Variants in SUCLG2 observed in about 807,000 individuals in gnomAD.
SUCLG2 encodes the protein succinate--CoA ligase [GDP-forming] subunit beta, mitochondrial.
SUCLG2 carries 42 observed loss-of-function variants against 47.9 expected under a neutral mutation model. The ratio of observed to expected loss-of-function variants is 0.88; its 90% CI spans 0.69 to 1.14. SUCLG2 has a LOEUF of 1.14. SUCLG2 is among the 50% of genes most tolerant of loss of function. The probability of loss-of-function intolerance (pLI) is 0.00; values close to 1 mark genes in which losing one functional copy is unlikely to be tolerated. For missense variants in SUCLG2, 571 were observed against 525.9 expected (o/e 1.09, Z -0.84); for synonymous variants, 195 against 197.3 (o/e 0.99, Z 0.10).
chr3:67,590,652 C>G (rs952348080), intron 2 of SUCLG2, among the ~76,000 whole-genome samples: 13 of 152,178 alleles, frequency 8.5e-5, no homozygotes, highest in African/African-American at 2.2e-4. Flanking sequence ...TCCCAGAAGC[C>G]GAGCAGATGC....
At chr3:67,393,076 G>A (rs1265931993) in intron 10 of SUCLG2, among the ~76,000 whole-genome samples, 3 of 152,226 alleles carry the variant, frequency 2.0e-5, no homozygotes, top group Non-Finnish European at 4.4e-5. Flanking sequence ...CCGGTCTACA[G>A]CTCCCAGCGT....
At chr3:67,632,159 A>G (rs998469906) in intron 1 of SUCLG2, among the ~76,000 whole-genome samples, 1 of 152,148 alleles carries the variant, frequency 6.6e-6, no homozygotes, top group African/African-American at 2.4e-5. Flanking sequence ...AAGCCAGTTC[A>G]AGCACAAATT....
intron 1 of SUCLG2, among the ~76,000 whole-genome samples, chr3:67,650,537 A>T (rs1426220550): frequency 1.3e-5 from 2 of 152,182 alleles, no homozygotes; most frequent in Non-Finnish European, 2.9e-5. Flanking sequence ...GGGGCAGATC[A>T]CTTGAGGTCA....
At chr3:67,549,846 A>C (rs1706965850) in intron 2 of SUCLG2, among the ~76,000 whole-genome samples, 1 of 152,160 alleles carries the variant, frequency 6.6e-6, no homozygotes, top group African/African-American at 2.4e-5. Context: ...GTAATGGATA[A>C]ATTTTTTCTT....
At chr3:67,477,489 G>A (rs182507272) in intron 9 of SUCLG2, among the ~76,000 whole-genome samples, 2 of 152,338 alleles carry the variant, frequency 1.3e-5, no homozygotes, top group East Asian at 3.9e-4. Context: ...GAGGTCAGGA[G>A]TTCAAGGCCA....
chr3:67,415,365 G>A (rs1269410285), intron 9 of SUCLG2, among the ~76,000 whole-genome samples: 1 of 152,160 alleles, frequency 6.6e-6, no homozygotes. Flanking sequence ...TGCTAAGGCT[G>A]AAGTAGCTAA....
At chr3:67,494,979 C>G (rs1014095040) in intron 9 of SUCLG2, among the ~76,000 whole-genome samples, 1 of 152,168 alleles carries the variant, frequency 6.6e-6, no homozygotes, top group Non-Finnish European at 1.5e-5. Flanking sequence ...AAACCAGGTA[C>G]AGTTATTTGC....
chr3:67,578,240 A>G (rs1707792468), intron 2 of SUCLG2, among the ~76,000 whole-genome samples: 1 of 146,628 alleles, frequency 6.8e-6, no homozygotes, highest in Non-Finnish European at 1.5e-5. Flanking sequence ...AAAAAATTTT[A>G]CATATATCAT....
chr3:67,389,503 T>C (rs1376559325), intron 10 of SUCLG2, among the ~76,000 whole-genome samples: 1 of 152,222 alleles, frequency 6.6e-6, no homozygotes, highest in East Asian at 1.9e-4. Flanking sequence ...AAATATCTTG[T>C]CACAAATAGT....
chr3:67,504,758 C>G (rs1208549210), intron 7 of SUCLG2, among the ~76,000 whole-genome samples: 1 of 152,106 alleles, frequency 6.6e-6, no homozygotes, highest in Non-Finnish European at 1.5e-5. Flanking sequence ...AAAAAGGAGT[C>G]TGTGTACAGA....
intron 7 of SUCLG2, among the ~76,000 whole-genome samples, chr3:67,500,582 G>A (rs1705470706): frequency 6.6e-6 from 1 of 152,150 alleles, no homozygotes; most frequent in Non-Finnish European, 1.5e-5. Context: ...ATTGGCCAAT[G>A]TTCTCTGCTT....
intron 2 of SUCLG2, among the ~76,000 whole-genome samples, chr3:67,586,687 G>T (rs1209190354): frequency 6.6e-6 from 1 of 152,136 alleles, no homozygotes; most frequent in South Asian, 2.1e-4. Context: ...ACCAAAGTTC[G>T]TTGCTTTTGG....
intron 10 of SUCLG2, among the ~76,000 whole-genome samples, chr3:67,394,170 G>C (rs1486998108): frequency 6.6e-6 from 1 of 152,214 alleles, no homozygotes; most frequent in Non-Finnish European, 1.5e-5. Context: ...AAGCTGGACG[G>C]AGAATGACTT....
chr3:67,581,261 A>C (rs1349836596), intron 2 of SUCLG2, among the ~76,000 whole-genome samples: 3 of 152,204 alleles, frequency 2.0e-5, no homozygotes, highest in Non-Finnish European at 4.4e-5. Context: ...TAAATTAAGA[A>C]GGCACAAGAT....
intron 9 of SUCLG2, among the ~76,000 whole-genome samples, chr3:67,401,575 CAAA>C (rs5849753): frequency 7.4e-5 from 9 of 121,652 alleles, no homozygotes; most frequent in Non-Finnish European, 1.0e-4. Context: ...GCATGTGGGC[CAAA>C]AAAAAAAAAA....
At chr3:67,574,407 C>G (rs1490875721) in intron 2 of SUCLG2, among the ~76,000 whole-genome samples, 1 of 152,132 alleles carries the variant, frequency 6.6e-6, no homozygotes. Flanking sequence ...AATCGAGAGG[C>G]CAGAAATAAA....
chr3:67,466,879 T>C (rs1704486078), intron 9 of SUCLG2, among the ~76,000 whole-genome samples: 1 of 152,206 alleles, frequency 6.6e-6, no homozygotes, highest in African/African-American at 2.4e-5. Context: ...AGATATAACA[T>C]GCTTTACTGC....
chr3:67,425,885 A>G (rs1160032886), intron 9 of SUCLG2, among the ~76,000 whole-genome samples: 1 of 152,234 alleles, frequency 6.6e-6, no homozygotes, highest in Admixed American at 6.5e-5. Context: ...CAATGACCCA[A>G]AAATAAAATT....
At chr3:67,402,488 A>G (rs1056397197) in intron 9 of SUCLG2, among the ~76,000 whole-genome samples, 1 of 152,258 alleles carries the variant, frequency 6.6e-6, no homozygotes, top group Non-Finnish European at 1.5e-5. Context: ...TCCCATTACT[A>G]TTCACAGTAG....
Sources: gnomAD v4.1 joint callset for allele counts (sites outside exome capture counted in the v4.1 genomes callset) on GRCh38, gnomAD v4.1.1 for gene constraint, MANE v1.5 for transcripts, NCBI Gene and HGNC (gene_info 2026-07-23, HGNC 2026-07-21) for gene names.